GABBR1: variants seen among roughly 807,000 people sequenced by gnomAD.
The protein encoded by GABBR1 is gamma-aminobutyric acid type B receptor subunit 1, also known as GABA-B receptor, R1 subunit.
GABBR1 carries 35 observed loss-of-function variants against 117.7 expected under a neutral mutation model. The observed-to-expected ratio is 0.30, with a 90% confidence interval of 0.23 to 0.39. The LOEUF (loss-of-function observed/expected upper bound fraction) is 0.39. GABBR1 is among the 10% of genes least tolerant of loss of function. GABBR1 has a pLI of 1.00. For missense variants in GABBR1, 709 were observed against 1,241.8 expected (o/e 0.57, Z 6.45); for synonymous variants, 442 against 486.6 (o/e 0.91, Z 1.21).
chr6:29,606,833 G>A lies in GABBR1; in HGVS notation c.2217+64C>T. 1 of 1,356,278 alleles carries A rather than the reference G, an allele frequency of 7.4e-7. No homozygotes were observed. The highest frequency in any genetic ancestry group is 1.1e-6 in the Non-Finnish European group (1 of 950,362). 84.0% of individuals were successfully genotyped at this position (1,356,278 alleles called of 1,614,324 possible). A position where few individuals can be genotyped will look rare whatever the true frequency, so the allele number is the denominator to read the frequency against. On this transcript the variant is annotated intron_variant, in intron 18 of 22. Transcript: ENST00000377034. The surrounding 1 kb of genome is among the most constrained non-coding windows in gnomAD (Gnocchi z 4.5). ...ATCCCTCAAGACACACACAGCCCCA[G>A]GGCCCTGATGGCCACTGAGCCCTGC...
Position 29,630,598 on chromosome 6 carries a change from A to T in GABBR1, c.335T>A (p.Val112Asp). ...TGGGAGGTCCCCACCCGTCAGGAAAACCTTCCCATTTTCCAGGGTCAAATA... is the reference window on the plus strand; with the variant it reads ...TGGGAGGTCCCCACCCGTCAGGAAATCCTTCCCATTTTCCAGGGTCAAATA... ...KSYLTLENGK[V>D]FLTGGDLPAL... is the part of the protein sequence containing the mutation. The change falls in exon 4 of 23, where the codon GTT becomes GAT. Residue 112 changes from valine to aspartate, a missense_variant. Val to Asp is a radical substitution (Grantham distance 152). Coordinates refer to ENST00000377034, the MANE Select transcript of GABBR1 (RefSeq NM_001470.4). This position sits in a 1 kb window ranked among gnomAD's most constrained non-coding sequence, Gnocchi z 4.9. 2 of 1,612,848 alleles carry T rather than the reference A, an allele frequency of 1.2e-6. No individual in the cohort carries two copies. The highest frequency in any genetic ancestry group is 1.7e-6 in the Non-Finnish European group (2 of 1,179,886).
chr6:29,615,437 C>T (rs761531947), intron 11 of GABBR1, among the ~76,000 whole-genome samples: 1 of 151,676 alleles, frequency 6.6e-6, no homozygotes, highest in Admixed American at 6.6e-5. Context: ...TGGTGAAACC[C>T]GTCTCTACTA....
Position 29,627,913 on chromosome 6 carries a change from G to A in GABBR1, c.497-267C>T. 2 of 1,362,438 alleles carry A rather than the reference G, an allele frequency of 1.5e-6. No homozygotes were observed. The highest frequency in any genetic ancestry group is 9.4e-7 in the Non-Finnish European group (1 of 1,066,366). The allele number at this position is 1,362,438 out of a possible 1,614,324, so 84.4% of individuals were successfully genotyped here. ...TCCATCCCTGATTTTGTGGGGAGGA[G>A]GGGGCGAGGGCCCCGGAGAAGCAGG... On this transcript the variant is annotated intron_variant, in intron 5 of 22. Coordinates refer to ENST00000377034, the MANE Select transcript of GABBR1 (RefSeq NM_001470.4). The surrounding 1 kb of genome is among the most constrained non-coding windows in gnomAD (Gnocchi z 4.4).
chr6:29,611,377 G>C lies in GABBR1; in HGVS notation c.1631-376C>G, dbSNP rs559924612. Among the ~76,000 whole-genome samples the C allele has an allele frequency of 3.3e-5, 5 of 152,258 alleles. No homozygotes were observed. On this transcript the variant is annotated intron_variant, in intron 13 of 22. Coordinates refer to ENST00000377034, the MANE Select transcript of GABBR1 (RefSeq NM_001470.4). The surrounding 1 kb of genome is among the most constrained non-coding windows in gnomAD (Gnocchi z 4.6). The stretch of plus-strand genomic sequence containing the variant: ...CTTATTCTTCCTCTCATGATGGGCA[G>C]GCTCTATTTTCCCAGTGGCTTTCAT...
Position 29,627,365 on chromosome 6 carries a change from A to G in GABBR1, c.657+121T>C, listed in dbSNP as rs1268250903. 9.8e-7 allele frequency: 1 copy of G among 1,023,066 alleles called. No homozygotes were observed. Among genetic ancestry groups the G allele is most frequent in the East Asian group, 2.6e-5 (1 of 37,890 alleles). The allele number at this position is 1,023,066 out of a possible 1,614,324, so 63.4% of individuals were successfully genotyped here. On this transcript the variant is annotated intron_variant, in intron 6 of 22. Coordinates refer to ENST00000377034, the MANE Select transcript of GABBR1 (RefSeq NM_001470.4). This position sits in a 1 kb window ranked among gnomAD's most constrained non-coding sequence, Gnocchi z 4.4. ...CCCCAGCCCATCTCCTGCCAGTCACACAAGGGAGGGGTCTGCCTCGCAATC... is the reference window on the plus strand; with the variant it reads ...CCCCAGCCCATCTCCTGCCAGTCACGCAAGGGAGGGGTCTGCCTCGCAATC...
chr6:29,621,701 AC>A lies in GABBR1; in HGVS notation c.1131+50del. 1 of 1,539,320 alleles carries A rather than the reference AC, an allele frequency of 6.5e-7. No individual in the cohort carries two copies. The highest frequency in any genetic ancestry group is 9.0e-7 in the Non-Finnish European group (1 of 1,112,406). Reference sequence around the variant, plus strand: ...TGCCAAGAGGAGGCCCCACAAGAAAACCAAGGGAAACTCCCACCCAGTGCCC... The same window carrying A: ...TGCCAAGAGGAGGCCCCACAAGAAAACAAGGGAAACTCCCACCCAGTGCCC... On this transcript the variant is annotated intron_variant, in intron 10 of 22. Transcript: ENST00000377034. This position sits in a 1 kb window ranked among gnomAD's most constrained non-coding sequence, Gnocchi z 5.0.
chr6:29,617,427 A>G (rs28359972), intron 11 of GABBR1, among the ~76,000 whole-genome samples: 14,811 of 149,090 alleles, frequency 0.099, 849 homozygotes, highest in Middle Eastern at 0.22. Flanking sequence ...TCAGCCTCCC[A>G]AGTAGCTGGG....
At chr6:29,619,957 C>T (rs1254689683) in intron 11 of GABBR1, among the ~76,000 whole-genome samples, 1 of 152,214 alleles carries the variant, frequency 6.6e-6, no homozygotes, top group Non-Finnish European at 1.5e-5. Flanking sequence ...CAACACACCA[C>T]CAGAGTCAAC....
chr6:29,627,445 G>A lies in GABBR1; in HGVS notation c.657+41C>T. ...GTGCAGCTGGCTGGCCCCCTGCCCC[G>A]CAAGCCCCCACCTCCCACCCACCCC... On this transcript the variant is annotated intron_variant, in intron 6 of 22. Coordinates refer to ENST00000377034, the MANE Select transcript of GABBR1 (RefSeq NM_001470.4). This position sits in a 1 kb window ranked among gnomAD's most constrained non-coding sequence, Gnocchi z 4.4. 3.1e-6 allele frequency: 2 copies of A among 654,072 alleles called. No individual in the cohort carries two copies. The highest frequency in any genetic ancestry group is 5.0e-6 in the Non-Finnish European group (2 of 403,188). The allele number at this position is 654,072 out of a possible 1,614,324, so 40.5% of individuals were successfully genotyped here. A position where few individuals can be genotyped will look rare whatever the true frequency, so the allele number is the denominator to read the frequency against.
At position 29,602,775 on chromosome 6, in the gene GABBR1, C is replaced by T. The variant is rs1183976772; in HGVS notation, c.*768G>A. ...ATGACTCAGCATGCTAGACAAATTG[C>T]ACATGCCTACCCAAACACGCTCAAG... On this transcript the variant is annotated 3_prime_UTR_variant, in exon 23 of 23. Transcript: ENST00000377034. 2 of 346,624 alleles carry T rather than the reference C, an allele frequency of 5.8e-6. No individual in the cohort carries two copies. The highest frequency in any genetic ancestry group is 5.6e-6 in the Non-Finnish European group (1 of 177,094). 21.5% of individuals were successfully genotyped at this position (346,624 alleles called of 1,614,324 possible). A position where few individuals can be genotyped will look rare whatever the true frequency, so the allele number is the denominator to read the frequency against.
Position 29,609,525 on chromosome 6 carries a change from A to G in GABBR1, c.1709-146T>C. The G allele has an allele frequency of 1.4e-6, 1 of 693,182 alleles. No homozygotes were observed. The highest frequency in any genetic ancestry group is 2.4e-6 in the Non-Finnish European group (1 of 409,342). 42.9% of individuals were successfully genotyped at this position (693,182 alleles called of 1,614,324 possible). The stretch of plus-strand genomic sequence containing the variant: ...GCTGGGGACATGAGGCCCTAACTGC[A>G]CTGGACAGAGGTTACTGCAGGCAGA... On this transcript the variant is annotated intron_variant, in intron 14 of 22. Coordinates refer to ENST00000377034, the MANE Select transcript of GABBR1 (RefSeq NM_001470.4). The surrounding 1 kb of genome is among the most constrained non-coding windows in gnomAD (Gnocchi z 4.3).
rs896188697 is a variant in GABBR1 at position 29,611,713 on chromosome 6, G to A, written c.1631-712C>T. 6.6e-6 allele frequency among the ~76,000 whole-genome samples: 1 copy of A among 152,210 alleles called. No homozygotes were observed. The highest frequency in any genetic ancestry group is 2.4e-5 in the African/African-American group (1 of 41,450). ...TTGGCCATGCCGTAAAAGACTGAGA[G>A]CCGAGTGGAGCAGAAAAATTAACTC... On this transcript the variant is annotated intron_variant, in intron 13 of 22. Transcript: ENST00000377034. This position sits in a 1 kb window ranked among gnomAD's most constrained non-coding sequence, Gnocchi z 4.6.
At position 29,605,987 on chromosome 6, in the gene GABBR1, C is replaced by T; in HGVS notation, c.2312-291G>A. The stretch of plus-strand genomic sequence containing the variant: ...TATCTAGAAATAGGCCAGTCTGGGC[C>T]ACACATGCCTCACCCTTACCCTACA... On this transcript the variant is annotated intron_variant, in intron 19 of 22. Coordinates refer to ENST00000377034, the MANE Select transcript of GABBR1 (RefSeq NM_001470.4). This position sits in a 1 kb window ranked among gnomAD's most constrained non-coding sequence, Gnocchi z 4.2. 1 of 549,610 alleles carries T rather than the reference C, an allele frequency of 1.8e-6. No individual in the cohort carries two copies. 34.0% of individuals were successfully genotyped at this position (549,610 alleles called of 1,614,324 possible).
At position 29,603,598 on chromosome 6, in the gene GABBR1, T is replaced by C; in HGVS notation, c.2831A>G (p.Glu944Gly). The C allele has an allele frequency of 6.3e-7, 1 of 1,587,902 alleles. No individual in the cohort carries two copies. Among genetic ancestry groups the C allele is most frequent in the Non-Finnish European group, 8.6e-7 (1 of 1,168,820 alleles). The change falls in exon 23 of 23, where the codon GAG becomes GGG. Residue 944 changes from glutamate to glycine, a missense_variant. This residue lies in a region of GABBR1 where 69 missense variants were observed against 64.3 expected (regional missense o/e 1.07). Coordinates refer to ENST00000377034, the MANE Select transcript of GABBR1 (RefSeq NM_001470.4). Reference protein sequence around the residue: ...PSGGLPRGPPEPPDRLSCDGS... With the variant: ...PSGGLPRGPPGPPDRLSCDGS... ...ATCACAGCTAAGCCGGTCGGGGGGCTCAGGGGGTCCCCTGGGCAGGCCCCC... is the reference window on the plus strand; with the variant it reads ...ATCACAGCTAAGCCGGTCGGGGGGCCCAGGGGGTCCCCTGGGCAGGCCCCC...
At position 29,632,777 on chromosome 6, in the gene GABBR1, C is replaced by A. The variant is rs1208544399; in HGVS notation, c.-1+73G>T. ...CCGCTTCCCCCAGCTGGGCCCTGCGCCCACTGCCCCCTCCCCCACCACGCC... is the reference window on the plus strand; with the variant it reads ...CCGCTTCCCCCAGCTGGGCCCTGCGACCACTGCCCCCTCCCCCACCACGCC... On this transcript the variant is annotated intron_variant, in intron 1 of 22. Transcript: ENST00000377034. The surrounding 1 kb of genome is among the most constrained non-coding windows in gnomAD (Gnocchi z 5.8). 49 of 907,764 alleles carry A rather than the reference C, an allele frequency of 5.4e-5. No individual in the cohort carries two copies. Among genetic ancestry groups the A allele is most frequent in the Non-Finnish European group, 6.9e-5 (48 of 699,068 alleles). The allele number at this position is 907,764 out of a possible 1,614,324, so 56.2% of individuals were successfully genotyped here.
intron 15 of GABBR1, among the ~76,000 whole-genome samples, 165 bp from the exon 16 acceptor site, chr6:29,608,898 T>C (rs1762243225): frequency 6.6e-6 from 1 of 152,166 alleles, no homozygotes; most frequent in Non-Finnish European, 1.5e-5. Flanking sequence ...GGCAGAGCAA[T>C]GCAGTCATGG....
rs369380876 is a variant in GABBR1, at chr6:29,622,592, GAGA to G, written c.964-390_964-388del. On this transcript the variant is annotated intron_variant, in intron 8 of 22. Coordinates refer to ENST00000377034, the MANE Select transcript of GABBR1 (RefSeq NM_001470.4). This position sits in a 1 kb window ranked among gnomAD's most constrained non-coding sequence, Gnocchi z 4.6. Reference sequence around the variant, plus strand: ...AAATGGGCAGACAGACAAAGGATCAGAGAAGAATGGTCTGAATCAGAGTGAAAG... The same window carrying G: ...AAATGGGCAGACAGACAAAGGATCAGAGAATGGTCTGAATCAGAGTGAAAG... The G allele has an allele frequency of 4.3e-6, 1 of 232,932 alleles. No homozygotes were observed. The highest frequency in any genetic ancestry group is 2.2e-5 in the African/African-American group (1 of 45,110). The allele number at this position is 232,932 out of a possible 1,614,324, so 14.4% of individuals were successfully genotyped here. A position where few individuals can be genotyped will look rare whatever the true frequency, so the allele number is the denominator to read the frequency against.
At position 29,606,096 on chromosome 6, in the gene GABBR1, TC is replaced by T; in HGVS notation, c.2311+294del. 1.8e-6 allele frequency: 1 copy of T among 545,308 alleles called. No homozygotes were observed. 33.8% of individuals were successfully genotyped at this position (545,308 alleles called of 1,614,324 possible). On this transcript the variant is annotated intron_variant, in intron 19 of 22. Coordinates refer to ENST00000377034, the MANE Select transcript of GABBR1 (RefSeq NM_001470.4). This position sits in a 1 kb window ranked among gnomAD's most constrained non-coding sequence, Gnocchi z 4.5. ...ACAATGCTAATAAGGCCAAGGGGGA[TC>T]TAAAAGATAATGTCAAGTCTGGAGG...
At chr6:29,615,291 CAA>C (rs28751301) in intron 11 of GABBR1, among the ~76,000 whole-genome samples, 28 of 86,696 alleles carry the variant, frequency 3.2e-4, no homozygotes, top group Non-Finnish European at 2.8e-4. Flanking sequence ...GACTCCGTCT[CAA>C]AAAAAAAAAA....
Sources: allele counts gnomAD v4.1 joint callset (sites outside exome capture counted in the v4.1 genomes callset), GRCh38; gene constraint gnomAD v4.1.1; regional missense constraint gnomAD v4.1.1; non-coding constraint Gnocchi (gnomAD v3.1); transcripts MANE v1.5; gene names NCBI Gene and HGNC (gene_info 2026-07-23, HGNC 2026-07-21).